Variants in CRLF3 observed in about 807,000 individuals in gnomAD.
CRLF3 encodes cytokine receptor-like factor 3.
A neutral mutation model predicts 55.0 loss-of-function variants in CRLF3; 33 were observed. The ratio of observed to expected loss-of-function variants is 0.60; its 90% confidence interval spans 0.46 to 0.80. The LOEUF is 0.80. CRLF3 is among the 30% of genes least tolerant of loss of function. The probability of loss-of-function intolerance (pLI) is 0.00; values close to 1 mark genes in which losing one functional copy is unlikely to be tolerated. For missense variants in CRLF3, 494 were observed against 538.4 expected (o/e 0.92, Z 0.82); for synonymous variants, 238 against 196.8 (o/e 1.21, Z -1.75).
intron 3 of CRLF3, 52 bp from the exon 4 acceptor site, chr17:30,796,389 A>G (rs780031785): frequency 6.4e-6 from 9 of 1,404,094 alleles, no homozygotes; most frequent in Admixed American, 6.4e-5. Flanking sequence ...GAGTTAAAAA[A>G]TACAAGAAAT....
chr17:30,789,004 A>G (rs1285958389), intron 6 of CRLF3, among the ~76,000 whole-genome samples: 2 of 152,118 alleles, frequency 1.3e-5, no homozygotes, highest in African/African-American at 2.4e-5. Context: ...AAGTAGGCGC[A>G]CTTGCTCCTC....
In CRLF3 at chr17:30,784,003, G is replaced by GAAA; in HGVS notation, c.*183_*184insTTT. 1 of 554,358 alleles carries GAAA rather than the reference G, an allele frequency of 1.8e-6. No homozygotes were observed. Among genetic ancestry groups the GAAA allele is most frequent in the Non-Finnish European group, 3.2e-6 (1 of 314,896 alleles). The allele number at this position is 554,358 out of a possible 1,614,324, so 34.3% of individuals were successfully genotyped here. On this transcript the variant is annotated 3_prime_UTR_variant, in exon 8 of 8. Transcript: ENST00000324238. ...TGCTAAAAATAAAATTGACTGAATT[G>GAAA]TATGATTTTGTCCACAACATTGAAG...
At position 30,783,030 on chromosome 17, in the gene CRLF3, AAAT is replaced by A. The variant is rs1345198320; in HGVS notation, c.*1154_*1156del. ...ACAAATTTAAGTAAGTTTTTAAAAA[AAAT>A]AAGTATTTACGCTATATTTTTTTGC... On this transcript the variant is annotated 3_prime_UTR_variant, in exon 8 of 8. Transcript: ENST00000324238. 5 of 152,230 alleles carry A rather than the reference AAAT, an allele frequency of 3.3e-5. No homozygotes were observed. The highest frequency in any genetic ancestry group is 2.1e-4 in the South Asian group (1 of 4,834). The allele number at this position is 152,230 out of a possible 1,614,324, so 9.4% of individuals were successfully genotyped here. A position where few individuals can be genotyped will look rare whatever the true frequency, so the allele number is the denominator to read the frequency against.
rs1341663016 is a variant in CRLF3 at position 30,797,304 on chromosome 17, C to CT, written c.425+6dup. The CT allele has an allele frequency of 1.3e-5, 21 of 1,605,716 alleles. 2 individuals are homozygous for CT. In the Admixed American group the frequency reaches 2.0e-4, roughly 15 times the overall value. ...AAAGTAAGTCAAAAAGGCACAAACT[C>CT]TTTTACCTGTCCAACTGAATGTGCG... On this transcript the variant is annotated splice_region_variant and intron_variant, in intron 3 of 7. Transcript: ENST00000324238.
intron 7 of CRLF3, 116 bp downstream of exon 7, chr17:30,785,803 G>GA: frequency 1.9e-6 from 1 of 521,536 alleles, no homozygotes; most frequent in Non-Finnish European, 3.3e-6. Context: ...AAAAGAAAAA[G>GA]AAAAATACCT....
chr17:30,790,459 A>G (rs1435184230), intron 6 of CRLF3, among the ~76,000 whole-genome samples: 1 of 152,172 alleles, frequency 6.6e-6, no homozygotes, highest in African/African-American at 2.4e-5. Context: ...GAGAAACAAC[A>G]TTAATTAGTG....
chr17:30,795,134 T>C (rs1211055631), intron 4 of CRLF3, among the ~76,000 whole-genome samples: 1 of 152,174 alleles, frequency 6.6e-6, no homozygotes, highest in African/African-American at 2.4e-5. Context: ...ATGACAGTCC[T>C]GTTAGAAAAT....
chr17:30,786,030 C>T lies in CRLF3; in HGVS notation c.961G>A (p.Val321Ile), dbSNP rs200138150. The T allele has an allele frequency of 2.4e-5, 38 of 1,555,244 alleles. No individual in the cohort carries two copies. The highest frequency in any genetic ancestry group is 6.8e-5 in the Admixed American group (4 of 58,746). Residue 321 changes from valine to isoleucine, a missense_variant and splice_region_variant, in exon 7 of 8, where the codon GTT (valine) becomes ATT (isoleucine). Transcript: ENST00000324238. ...YFCGQTLTFR[V>I]ETVGQPDRRD... ...CTGTCTGGCTGTCCCACAGTTTCAA[C>T]TCTGTAAATGAAGTAGAAAGGTCAT...
Position 30,785,978 on chromosome 17 carries a change from T to C in CRLF3, c.1013A>G (p.Glu338Gly), listed in dbSNP as rs1971637727. 1 of 1,613,600 alleles carries C rather than the reference T, an allele frequency of 6.2e-7. No homozygotes were observed. Among genetic ancestry groups the C allele is most frequent in the Non-Finnish European group, 8.5e-7 (1 of 1,179,564 alleles). ...DRRDSIGVCA[E>G]KQDGYDSLQR... ...CAGAGAGTCATATCCATCCTGTTTT[T>C]CTGCACACACTCCTATGCTATCTCT... Residue 338 changes from glutamate to glycine, a missense_variant, in exon 7 of 8, where the codon GAA (glutamate) becomes GGA (glycine). Glu to Gly is a moderately conservative substitution (Grantham distance 98, BLOSUM62 -2). Transcript: ENST00000324238.
chr17:30,813,651 G>A (rs1450687652), intron 1 of CRLF3, among the ~76,000 whole-genome samples: 3 of 151,590 alleles, frequency 2.0e-5, no homozygotes, highest in Non-Finnish European at 1.5e-5. Context: ...TGTGCACAAC[G>A]TGCAGGTTTG....
intron 1 of CRLF3, among the ~76,000 whole-genome samples, chr17:30,804,708 C>T (rs1231343635): frequency 1.3e-5 from 2 of 152,132 alleles, no homozygotes; most frequent in Admixed American, 1.3e-4. Context: ...TATACATCTT[C>T]CATTCATTGA....
chr17:30,788,599 C>CTTTTTTTTTTTTTTTTTTTTTTTTTTTTT (rs1159336036), intron 6 of CRLF3, among the ~76,000 whole-genome samples: 1 of 80,038 alleles, frequency 1.2e-5, no homozygotes, highest in African/African-American at 5.8e-5. Flanking sequence ...GTAGTGCCTT[C>CTTTTTTTTTTTTTTTTTTTTTTTTTTTTT]TTTTTTTTTT....
intron 6 of CRLF3, among the ~76,000 whole-genome samples, chr17:30,788,676 C>T (rs1051280945): frequency 7.3e-6 from 1 of 137,026 alleles, no homozygotes; most frequent in Non-Finnish European, 1.5e-5. Context: ...GGCGTGATCT[C>T]GGCTCACTGC....
At chr17:30,805,639 G>A (rs576855128) in intron 1 of CRLF3, among the ~76,000 whole-genome samples, 5 of 151,256 alleles carry the variant, frequency 3.3e-5, no homozygotes, top group East Asian at 1.9e-4. Context: ...GGTTGAACCC[G>A]GGAGGCGAAG....
intron 6 of CRLF3, among the ~76,000 whole-genome samples, chr17:30,791,718 A>G (rs202214394): frequency 2.1e-5 from 3 of 142,846 alleles, no homozygotes; most frequent in African/African-American, 7.9e-5. Context: ...GGGTTTCACC[A>G]TGTTAGCCAG....
chr17:30,800,230 C>G (rs947562887), intron 2 of CRLF3, among the ~76,000 whole-genome samples: 3 of 152,172 alleles, frequency 2.0e-5, no homozygotes, highest in Non-Finnish European at 2.9e-5. Flanking sequence ...GTTCTAATCT[C>G]TTTCATCTGC....
intron 6 of CRLF3, among the ~76,000 whole-genome samples, chr17:30,789,132 C>T (rs1353289161): frequency 1.3e-5 from 2 of 151,944 alleles, no homozygotes; most frequent in African/African-American, 4.8e-5. Flanking sequence ...AAAAAAATGA[C>T]AAAAATGCAA....
At position 30,793,514 on chromosome 17, in the gene CRLF3, A is replaced by G. The variant is rs1971856135; in HGVS notation, c.762T>C (p.Asp254=). The G allele has an allele frequency of 1.2e-6, 2 of 1,614,148 alleles. No homozygotes were observed. Among genetic ancestry groups the G allele is most frequent in the South Asian group, 2.2e-5 (2 of 91,086 alleles). The part of the protein sequence containing the change: ...DYQFRVCARG[D]GRQEWSPWSV... ...TCCAAGGACTCCACTCCTGTCGGCCATCTCCTCGGGCGCAGACTCTGAACT... is the reference window on the plus strand; with the variant it reads ...TCCAAGGACTCCACTCCTGTCGGCCGTCTCCTCGGGCGCAGACTCTGAACT... Residue 254 remains aspartate (D), a synonymous_variant, in exon 5 of 8, where the codon GAT becomes GAC. Coordinates refer to ENST00000324238, the MANE Select transcript of CRLF3 (RefSeq NM_015986.4).
intron 7 of CRLF3, 105 bp downstream of exon 7, chr17:30,785,814 A>G: frequency 3.3e-6 from 2 of 613,302 alleles, no homozygotes; most frequent in Admixed American, 3.1e-5. Context: ...AAAAATACCT[A>G]AATTTTCTCA....
Sources: allele counts gnomAD v4.1 joint callset (sites outside exome capture counted in the v4.1 genomes callset), GRCh38; gene constraint gnomAD v4.1.1; transcripts MANE v1.5; gene names NCBI Gene and HGNC (gene_info 2026-07-23, HGNC 2026-07-21).